CTNNA3: variants seen among roughly 807,000 people sequenced by gnomAD.
CTNNA3 encodes the protein catenin alpha 3.
Under a neutral mutation model 95.7 loss-of-function variants are expected in CTNNA3, and 76 were observed. That is an observed-to-expected ratio of 0.79 (90% CI 0.66 to 0.96). The LOEUF (loss-of-function observed/expected upper bound fraction) is 0.96, where lower values mean the gene tolerates loss of function less well. Ranked by LOEUF, CTNNA3 falls within the 40% of genes least tolerant of loss-of-function variation. The pLI is 0.00. For synonymous variants in CTNNA3, 431 were observed against 374.4 expected (o/e 1.15, Z -1.74); for missense variants, 1,191 against 1,089.8 (o/e 1.09, Z -1.31).
chr10:66,124,723 A>T (rs1213655056), intron 13 of CTNNA3, among the ~76,000 whole-genome samples: 2 of 152,190 alleles, frequency 1.3e-5, no homozygotes, highest in Admixed American at 1.3e-4. Flanking sequence ...TCTTACATGG[A>T]TGGAGGCAGG....
chr10:67,230,848 A>G (rs74458616), intron 5 of CTNNA3, among the ~76,000 whole-genome samples: 1 of 152,194 alleles, frequency 6.6e-6, no homozygotes, highest in Admixed American at 6.5e-5. Flanking sequence ...AGGGTGAGGC[A>G]TTGCCTCACT....
At chr10:66,854,743 A>ATTT (rs34752190) in intron 7 of CTNNA3, among the ~76,000 whole-genome samples, 40 of 148,016 alleles carry the variant, frequency 2.7e-4, no homozygotes, top group African/African-American at 9.4e-4. Context: ...AGAAAATGTC[A>ATTT]TTTTTTTTTT....
chr10:66,732,713 C>A (rs1314275353), intron 9 of CTNNA3, among the ~76,000 whole-genome samples: 1 of 152,094 alleles, frequency 6.6e-6, no homozygotes, highest in Non-Finnish European at 1.5e-5. Context: ...TCCCATGACC[C>A]ATGGGGATTA....
chr10:65,968,530 T>G (rs1436478094), intron 16 of CTNNA3, among the ~76,000 whole-genome samples: 1 of 152,174 alleles, frequency 6.6e-6, no homozygotes, highest in Non-Finnish European at 1.5e-5. Context: ...CCAGCTTGCC[T>G]AAATCATCAG....
At chr10:66,308,420 T>C (rs1414150413) in intron 12 of CTNNA3, among the ~76,000 whole-genome samples, 1 of 152,214 alleles carries the variant, frequency 6.6e-6, no homozygotes, top group Non-Finnish European at 1.5e-5. Flanking sequence ...AAAATGGGTA[T>C]ATCTGCATTG....
chr10:67,400,240 T>C (rs1413972631), intron 5 of CTNNA3, among the ~76,000 whole-genome samples: 1 of 152,190 alleles, frequency 6.6e-6, no homozygotes, highest in Non-Finnish European at 1.5e-5. Context: ...GTGCTTGTCA[T>C]TTGTAACTAT....
chr10:67,142,982 A>G (rs1860653061), intron 7 of CTNNA3, among the ~76,000 whole-genome samples: 2 of 152,254 alleles, frequency 1.3e-5, no homozygotes, highest in Non-Finnish European at 2.9e-5. Flanking sequence ...CTGAGCCTTT[A>G]GTGAGTTGAA....
intron 12 of CTNNA3, among the ~76,000 whole-genome samples, chr10:66,302,604 C>T (rs1056310002): frequency 1.3e-5 from 2 of 152,050 alleles, no homozygotes; most frequent in African/African-American, 4.8e-5. Flanking sequence ...TCTACAGTTG[C>T]CTTGCACCAA....
intron 5 of CTNNA3, among the ~76,000 whole-genome samples, chr10:67,448,512 C>T (rs1224585178): frequency 2.0e-5 from 3 of 151,888 alleles, no homozygotes; most frequent in Non-Finnish European, 2.9e-5. Context: ...ATAGAAAGAA[C>T]TTATTCATGA....
At chr10:66,195,306 G>A (rs1032949726) in intron 13 of CTNNA3, among the ~76,000 whole-genome samples, 1 of 152,082 alleles carries the variant, frequency 6.6e-6, no homozygotes, top group Admixed American at 6.6e-5. Flanking sequence ...TATCTAAAAT[G>A]CAATCTTACA....
At chr10:67,400,695 C>A (rs1844884295) in intron 5 of CTNNA3, among the ~76,000 whole-genome samples, 2 of 152,072 alleles carry the variant, frequency 1.3e-5, no homozygotes, top group South Asian at 2.1e-4. Flanking sequence ...TGAATGTATG[C>A]AATTGCTATT....
chr10:66,120,476 CTTAA>C (rs10550846), intron 13 of CTNNA3, among the ~76,000 whole-genome samples: 7,258 of 151,984 alleles, frequency 0.048, 213 homozygotes, highest in African/African-American at 0.065. Flanking sequence ...ACTAGGTGAC[CTTAA>C]TTATGTCTTT....
chr10:66,138,541 G>A (rs1003962768), intron 13 of CTNNA3, among the ~76,000 whole-genome samples: 1 of 152,040 alleles, frequency 6.6e-6, no homozygotes, highest in African/African-American at 2.4e-5. Flanking sequence ...TTTAAAAGAC[G>A]AATTGGGCTG....
chr10:67,071,963 TA>T (rs1417476261), intron 7 of CTNNA3, among the ~76,000 whole-genome samples: 3 of 152,222 alleles, frequency 2.0e-5, no homozygotes, highest in Non-Finnish European at 2.9e-5. Context: ...TTTTATTAAT[TA>T]TTTTTTTGAG....
At chr10:66,038,333 C>T (rs1013847085) in intron 15 of CTNNA3, among the ~76,000 whole-genome samples, 1 of 152,142 alleles carries the variant, frequency 6.6e-6, no homozygotes, top group Non-Finnish European at 1.5e-5. Flanking sequence ...GGCAAGGAGT[C>T]TCAGGCAGAG....
At chr10:67,204,422 C>T (rs1863796818) in intron 6 of CTNNA3, among the ~76,000 whole-genome samples, 1 of 152,138 alleles carries the variant, frequency 6.6e-6, no homozygotes, top group African/African-American at 2.4e-5. Flanking sequence ...TACCTATTTC[C>T]CCTTCACCTT....
chr10:66,265,005 A>T (rs2091113796), intron 13 of CTNNA3, among the ~76,000 whole-genome samples: 1 of 152,074 alleles, frequency 6.6e-6, no homozygotes, highest in African/African-American at 2.4e-5. Context: ...CAAGACTAGT[A>T]AGCTCATTAA....
chr10:67,306,727 C>T (rs1464975684), intron 5 of CTNNA3, among the ~76,000 whole-genome samples: 3 of 152,068 alleles, frequency 2.0e-5, no homozygotes, highest in Non-Finnish European at 4.4e-5. Context: ...CTGCATTGGA[C>T]CATTTTCTTG....
At chr10:66,357,510 T>C (rs796286448) in intron 12 of CTNNA3, among the ~76,000 whole-genome samples, 4 of 152,226 alleles carry the variant, frequency 2.6e-5, no homozygotes, top group African/African-American at 7.2e-5. Context: ...CCCCAGTCCC[T>C]CTAGGCAACC....
Sources: gnomAD v4.1 joint callset for allele counts (sites outside exome capture counted in the v4.1 genomes callset) on GRCh38, gnomAD v4.1.1 for gene constraint, MANE v1.5 for transcripts, NCBI Gene and HGNC (gene_info 2026-07-23, HGNC 2026-07-21) for gene names.